LPIN2: variants seen among roughly 807,000 people sequenced by gnomAD.
The protein encoded by LPIN2 is phosphatidate phosphatase LPIN2.
A neutral mutation model predicts 111.4 loss-of-function variants in LPIN2; 55 were observed. The ratio of observed to expected loss-of-function variants is 0.49; its 90% confidence interval spans 0.40 to 0.62. LPIN2 has a LOEUF of 0.62. Among genes scored for constraint, LPIN2 ranks in the 20% least tolerant of loss-of-function variants. The pLI is 0.00. For missense variants in LPIN2, 992 were observed against 1,112.1 expected (o/e 0.89, Z 1.54); for synonymous variants, 425 against 414.0 (o/e 1.03, Z -0.32).
chr18:2,926,098 C>T (rs547831655), intron 13 of LPIN2, among the ~76,000 whole-genome samples: 46 of 152,300 alleles, frequency 3.0e-4, no homozygotes, highest in African/African-American at 1.1e-3. Context: ...GCACCCCAGC[C>T]TGAGTGACAC....
intron 16 of LPIN2, 44 bp downstream of exon 16, chr18:2,923,731 G>A (rs751968579): frequency 5.3e-6 from 8 of 1,513,082 alleles, no homozygotes; most frequent in Non-Finnish European, 7.4e-6. Flanking sequence ...CTTAAAGCAA[G>A]CTTCCAGCTC....
chr18:2,950,743 C>T, intron 4 of LPIN2: 3 of 397,090 alleles, frequency 7.6e-6, no homozygotes, highest in Non-Finnish European at 1.4e-5. Flanking sequence ...GACATGGTGT[C>T]CAACTGGATC....
chr18:2,964,895 A>G (rs981995239), intron 1 of LPIN2, among the ~76,000 whole-genome samples: 6 of 152,218 alleles, frequency 3.9e-5, no homozygotes, highest in Non-Finnish European at 7.3e-5. Context: ...TAGGCTAAGC[A>G]TTCTTGTTCC....
rs2143202505 is a variant in LPIN2 at position 2,960,727 on chromosome 18, C to T, written c.114G>A (p.Gln38=). The change falls in exon 2 of 20, where the codon CAG becomes CAA. Residue 38 remains glutamine, a synonymous_variant. Transcript: ENST00000677752. ...SGCIDVIVVQ[Q]QDGSYQCSPF... ...GTGAACACTGATAGCTGCCATCCTGCTGCTGTACCACGATGACATCAATGC... is the reference window on the plus strand; with the variant it reads ...GTGAACACTGATAGCTGCCATCCTGTTGCTGTACCACGATGACATCAATGC... 4 of 1,614,124 alleles carry T rather than the reference C, an allele frequency of 2.5e-6. No homozygotes were observed. Among genetic ancestry groups the T allele is most frequent in the Non-Finnish European group, 1.7e-6 (2 of 1,180,020 alleles).
chr18:3,006,488 C>T (rs2078516968), intron 1 of LPIN2, among the ~76,000 whole-genome samples: 2 of 152,088 alleles, frequency 1.3e-5, no homozygotes, highest in South Asian at 2.1e-4. Flanking sequence ...CCCAGGAGTT[C>T]GAGACCAGCC....
In LPIN2 at chr18:2,920,267, C is replaced by A; in HGVS notation, c.*26G>T. 6.2e-7 allele frequency: 1 copy of A among 1,613,912 alleles called. No individual in the cohort carries two copies. The highest frequency in any genetic ancestry group is 1.1e-5 in the South Asian group (1 of 91,082). ...CCTTGCTGTGGGGAGGGGGACCAAGCCCTGCCCACCCACTGAGGTGCCGCC... is the reference window on the plus strand; with the variant it reads ...CCTTGCTGTGGGGAGGGGGACCAAGACCTGCCCACCCACTGAGGTGCCGCC... On this transcript the variant is annotated 3_prime_UTR_variant, in exon 20 of 20. Transcript: ENST00000677752.
chr18:2,922,439 T>C (rs973085369), intron 16 of LPIN2, among the ~76,000 whole-genome samples: 2 of 151,978 alleles, frequency 1.3e-5, no homozygotes, highest in African/African-American at 4.8e-5. Flanking sequence ...CATGCCCGGC[T>C]TAATTTTTAT....
chr18:2,937,544 T>TAA lies in LPIN2; in HGVS notation c.1168+146_1168+147dup, dbSNP rs71366618. On this transcript the variant is annotated intron_variant, in intron 7 of 19. Coordinates refer to ENST00000677752, the MANE Select transcript of LPIN2 (RefSeq NM_001375808.2). ...TGGGTAACAAGAGCGAAACTCCAGC[T>TAA]AAAAAAAAAAAAAAAAAAAAAAAAA... The TAA allele has an allele frequency of 2.8e-3, 983 of 345,054 alleles. 6 individuals are homozygous for TAA. The highest frequency in any genetic ancestry group is 0.015 in the African/African-American group (268 of 18,150). The allele number at this position is 345,054 out of a possible 1,614,324, so 21.4% of individuals were successfully genotyped here. A position where few individuals can be genotyped will look rare whatever the true frequency, so the allele number is the denominator to read the frequency against.
chr18:2,964,534 C>T lies in LPIN2; in HGVS notation c.-9-3685G>A, dbSNP rs532185947. Among the ~76,000 whole-genome samples, 5 of 152,214 alleles carry T rather than the reference C, an allele frequency of 3.3e-5. No individual in the cohort carries two copies. In the South Asian group the frequency reaches 6.2e-4, roughly 19 times the overall value. ...CAGACCACGCTCTCTTTCCTTTCCT[C>T]GTGAGAATACAGCAAGAAGTCTGCA... is the stretch of plus-strand genomic sequence containing the variant. On this transcript the variant is annotated intron_variant, in intron 1 of 19. Transcript: ENST00000677752.
At chr18:2,968,032 C>T (rs953055117) in intron 1 of LPIN2, among the ~76,000 whole-genome samples, 4 of 152,132 alleles carry the variant, frequency 2.6e-5, no homozygotes, top group Non-Finnish European at 4.4e-5. Context: ...TAACACTCAC[C>T]GCTCCTAGAC....
chr18:2,923,281 A>G lies in LPIN2; in HGVS notation c.2174+494T>C, dbSNP rs571361690. Among the ~76,000 whole-genome samples, 8 of 152,210 alleles carry G rather than the reference A, an allele frequency of 5.3e-5. No homozygotes were observed. The South Asian group carries it at 1.7e-3, about 32-fold the overall frequency. On this transcript the variant is annotated intron_variant, in intron 16 of 19. Coordinates refer to ENST00000677752, the MANE Select transcript of LPIN2 (RefSeq NM_001375808.2). ...ACTAAAAATACAAAATTAGCTGGGC[A>G]TGGTGGCATGTGCCGGTAATCCCAG...
Position 2,939,614 on chromosome 18 carries a change from A to C in LPIN2, c.699-11T>G. The C allele has an allele frequency of 6.2e-7, 1 of 1,612,606 alleles. No homozygotes were observed. The highest frequency in any genetic ancestry group is 8.5e-7 in the Non-Finnish European group (1 of 1,179,560). On this transcript the variant is annotated splice_polypyrimidine_tract_variant and intron_variant, in intron 5 of 19. Coordinates refer to ENST00000677752, the MANE Select transcript of LPIN2 (RefSeq NM_001375808.2). ...GTCTGGGGATAGGTGCTGCAAAGAG[A>C]ACAAAGACACACGATGACTTGAAAG...
intron 1 of LPIN2, among the ~76,000 whole-genome samples, chr18:2,987,210 C>T (rs1039458734): frequency 6.6e-6 from 1 of 152,264 alleles, no homozygotes; most frequent in South Asian, 2.1e-4. Context: ...AAGTGTAGTG[C>T]TTTAATCTTT....
At chr18:2,999,039 T>C (rs570161885) in intron 1 of LPIN2, among the ~76,000 whole-genome samples, 39 of 152,356 alleles carry the variant, frequency 2.6e-4, no homozygotes, top group Admixed American at 1.3e-3. Flanking sequence ...TTAGTGAAGA[T>C]AGGTGTAACT....
intron 14 of LPIN2, 54 bp from the exon 15 acceptor site, chr18:2,924,600 G>T: frequency 1.3e-6 from 2 of 1,588,006 alleles, no homozygotes; most frequent in Non-Finnish European, 1.7e-6. Context: ...AGTTTGAAAC[G>T]ATTTAAAAAT....
At chr18:3,012,232 G>A (rs1312271011) in intron 1 of LPIN2, among the ~76,000 whole-genome samples, 1 of 152,154 alleles carries the variant, frequency 6.6e-6, no homozygotes, top group Admixed American at 6.5e-5. Context: ...AATTAGTTTG[G>A]CCATTTACTA....
intron 9 of LPIN2, among the ~76,000 whole-genome samples, 164 bp downstream of exon 9, chr18:2,931,092 C>G (rs552117828): frequency 2.0e-5 from 3 of 152,254 alleles, no homozygotes; most frequent in Admixed American, 6.5e-5. Flanking sequence ...TCAATTAAGA[C>G]CTTAAGTGAG....
chr18:2,950,273 C>T (rs1166833474), intron 4 of LPIN2: 1 of 152,168 alleles, frequency 6.6e-6, no homozygotes, highest in African/African-American at 2.4e-5. Flanking sequence ...ATGAAAAACA[C>T]TTGAACATCA....
In LPIN2 at chr18:2,920,138, C is replaced by G. The variant is rs1470550539; in HGVS notation, c.*155G>C. 36 of 977,952 alleles carry G rather than the reference C, an allele frequency of 3.7e-5. 1 individual carries two copies. The Admixed American group carries it at 4.6e-4, about 13-fold the overall frequency. 60.6% of individuals were successfully genotyped at this position (977,952 alleles called of 1,614,324 possible). A position where few individuals can be genotyped will look rare whatever the true frequency, so the allele number is the denominator to read the frequency against. ...CTGCAGACCTGCCGAGCCTGAGCAG[C>G]TGGCCTGGGAAGGCAAAGGAGGATG... On this transcript the variant is annotated 3_prime_UTR_variant, in exon 20 of 20. Coordinates refer to ENST00000677752, the MANE Select transcript of LPIN2 (RefSeq NM_001375808.2).
Sources: allele counts gnomAD v4.1 joint callset (sites outside exome capture counted in the v4.1 genomes callset), GRCh38; gene constraint gnomAD v4.1.1; transcripts MANE v1.5; gene names NCBI Gene and HGNC (gene_info 2026-07-23, HGNC 2026-07-21).